Variants in STX18 observed in about 807,000 individuals in gnomAD.
The protein encoded by STX18 is syntaxin-18.
Under a neutral mutation model 50.1 loss-of-function variants are expected in STX18, and 40 were observed. The observed-to-expected ratio is 0.80, with a 90% CI of 0.62 to 1.04. The LOEUF is 1.04. STX18 is among the 50% of genes least tolerant of loss of function. The probability of loss-of-function intolerance (pLI) is 0.00; values close to 1 mark genes in which losing one functional copy is unlikely to be tolerated. For synonymous variants in STX18, 158 were observed against 151.8 expected, an observed-to-expected ratio of 1.04 and a Z score of -0.30; for missense variants, 410 against 415.8, an observed-to-expected ratio of 0.99 and a Z score of 0.12.
intron 1 of STX18, among the ~76,000 whole-genome samples, chr4:4,491,074 T>C (rs545561782): frequency 3.3e-5 from 5 of 151,856 alleles, no homozygotes; most frequent in South Asian, 2.1e-4. Flanking sequence ...ATTCGGCTTA[T>C]AGCACTTTCA....
At chr4:4,529,795 T>C (rs1248558267) in intron 1 of STX18, among the ~76,000 whole-genome samples, 2 of 152,180 alleles carry the variant, frequency 1.3e-5, no homozygotes, top group African/African-American at 2.4e-5. Flanking sequence ...ATAAAGCTTT[T>C]ACCACAGGGC....
intron 1 of STX18, among the ~76,000 whole-genome samples, chr4:4,515,570 T>TACC (rs1199063958): frequency 1.3e-5 from 2 of 152,152 alleles, no homozygotes; most frequent in East Asian, 3.8e-4. Context: ...TTATACTGGA[T>TACC]ACCAGTCTGA....
chr4:4,462,571 T>A lies in STX18; in HGVS notation c.237-3084A>T, dbSNP rs144087213. Among the ~76,000 whole-genome samples the A allele has an allele frequency of 6.8e-4, 104 of 152,106 alleles. 1 individual carries two copies. Among genetic ancestry groups the A allele is most frequent in the African/African-American group, 2.3e-3 (97 of 41,480 alleles). On this transcript the variant is annotated intron_variant, in intron 2 of 10. Transcript: ENST00000306200. ...GGAAAATGAGTAAAAGATAAAAGAC[T>A]GAGTTTCTAGCTGGGTATCATGTCA... is the stretch of plus-strand genomic sequence containing the variant.
In STX18 at chr4:4,449,833, T is replaced by C. The variant is rs578050396; in HGVS notation, c.497+7358A>G. ...ATTCATAATGTCCTATCTCATTGAA[T>C]GTGTTATAATGTGCTACTGCCATTT... is the stretch of plus-strand genomic sequence containing the variant. On this transcript the variant is annotated intron_variant, in intron 5 of 10. Coordinates refer to ENST00000306200, the MANE Select transcript of STX18 (RefSeq NM_016930.4). Among the ~76,000 whole-genome samples, 4 of 152,370 alleles carry C rather than the reference T, an allele frequency of 2.6e-5. No homozygotes were observed. In the East Asian group the frequency reaches 7.7e-4, roughly 29 times the overall value.
At chr4:4,483,920 G>A (rs1329337049) in intron 1 of STX18, among the ~76,000 whole-genome samples, 1 of 151,876 alleles carries the variant, frequency 6.6e-6, no homozygotes, top group Non-Finnish European at 1.5e-5. Flanking sequence ...GGAGTGCAGT[G>A]GCATGATCTC....
At chr4:4,428,498 A>G (rs1282113004) in intron 7 of STX18, among the ~76,000 whole-genome samples, 4 of 151,942 alleles carry the variant, frequency 2.6e-5, no homozygotes, top group African/African-American at 4.8e-5. Flanking sequence ...TGAGTTGTCT[A>G]CCAAAGTGCA....
chr4:4,480,001 A>T (rs1046942543), intron 1 of STX18, among the ~76,000 whole-genome samples: 1 of 152,240 alleles, frequency 6.6e-6, no homozygotes, highest in Non-Finnish European at 1.5e-5. Context: ...AGTGGGGAAA[A>T]ACTGAGACAA....
At chr4:4,468,180 A>AAATAAGT (rs1727715771) in intron 2 of STX18, among the ~76,000 whole-genome samples, 1 of 152,156 alleles carries the variant, frequency 6.6e-6, no homozygotes, top group Admixed American at 6.5e-5. Flanking sequence ...CTTACTGCAG[A>AAATAAGT]AACCCTTTTT....
chr4:4,445,236 A>C (rs1305262771), intron 5 of STX18, among the ~76,000 whole-genome samples: 1 of 152,052 alleles, frequency 6.6e-6, no homozygotes, highest in African/African-American at 2.4e-5. Flanking sequence ...GTGAAACCTT[A>C]TCTCTACTAA....
chr4:4,445,654 C>A (rs1011627370), intron 5 of STX18, among the ~76,000 whole-genome samples: 1 of 150,618 alleles, frequency 6.6e-6, no homozygotes, highest in South Asian at 2.1e-4. Flanking sequence ...CTGAAAATAA[C>A]AAAATATTGC....
At chr4:4,511,763 T>TGCGC (rs1560202497) in intron 1 of STX18, among the ~76,000 whole-genome samples, 1 of 136,064 alleles carries the variant, frequency 7.3e-6, no homozygotes, top group African/African-American at 3.2e-5. Flanking sequence ...TGTGTGTGTA[T>TGCGC]GCCCCTAGGT....
intron 5 of STX18, among the ~76,000 whole-genome samples, chr4:4,449,881 T>C (rs112969338): frequency 0.012 from 1,892 of 152,380 alleles, 18 homozygotes; most frequent in Non-Finnish European, 0.022. Context: ...AAGTTATCTC[T>C]AATTTGGCCA....
intron 1 of STX18, among the ~76,000 whole-genome samples, chr4:4,476,759 C>T (rs1253248468): frequency 6.6e-6 from 1 of 152,138 alleles, no homozygotes; most frequent in African/African-American, 2.4e-5. Flanking sequence ...GGATTTGCTT[C>T]ACAATAAGAC....
intron 6 of STX18, among the ~76,000 whole-genome samples, chr4:4,435,163 T>A (rs1725712524): frequency 6.6e-6 from 1 of 152,214 alleles, no homozygotes; most frequent in Admixed American, 6.5e-5. Flanking sequence ...ATTCAGAATG[T>A]CTTCAGAATT....
intron 1 of STX18, among the ~76,000 whole-genome samples, chr4:4,486,248 A>G (rs990443660): frequency 1.3e-5 from 2 of 152,204 alleles, no homozygotes; most frequent in African/African-American, 4.8e-5. Flanking sequence ...TTCCAAAATC[A>G]TTCTAAGGCT....
Position 4,457,243 on chromosome 4 carries a change from A to G in STX18, c.445T>C (p.Tyr149His). 2 of 1,614,106 alleles carry G rather than the reference A, an allele frequency of 1.2e-6. No individual in the cohort carries two copies. Among genetic ancestry groups the G allele is most frequent in the Non-Finnish European group, 1.7e-6 (2 of 1,179,966 alleles). The part of the protein sequence containing the change: ...EDYLKRVCKL[Y>H]SEQRAIRVKR... ...ACTCGGATGGCTCTCTGTTCTGAGT[A>G]AAGTTTACATACTCCTGTTGCAGAA... The change falls in exon 5 of 11, where the codon TAC (tyrosine) becomes CAC (histidine). Residue 149 changes from tyrosine (Y) to histidine (H), a missense_variant. Transcript: ENST00000306200.
intron 1 of STX18, among the ~76,000 whole-genome samples, chr4:4,483,089 A>G (rs1728538716): frequency 6.6e-6 from 1 of 152,196 alleles, no homozygotes; most frequent in Non-Finnish European, 1.5e-5. Context: ...AGTCTCAAGT[A>G]ACAGACAATG....
Position 4,467,780 on chromosome 4 carries a change from G to T in STX18, c.236+3859C>A, listed in dbSNP as rs1044353718. 5.9e-5 allele frequency among the ~76,000 whole-genome samples: 9 copies of T among 152,196 alleles called. No individual in the cohort carries two copies. The East Asian group carries it at 1.7e-3, about 29-fold the overall frequency. On this transcript the variant is annotated intron_variant, in intron 2 of 10. Coordinates refer to ENST00000306200, the MANE Select transcript of STX18 (RefSeq NM_016930.4). ...GGGAGGGTAGCTAGGGAGGTAGATA[G>T]AACTTTTTTTCTAAGCAAAGTAGAG...
chr4:4,542,151 C>T (rs543927267), upstream of STX18: 8 of 707,254 alleles, frequency 1.1e-5, no homozygotes, highest in East Asian at 1.0e-4. Flanking sequence ...CCGGCCTCAG[C>T]CGGCGCACCT....
Sources: gnomAD v4.1 joint callset for allele counts (sites outside exome capture counted in the v4.1 genomes callset) on GRCh38, gnomAD v4.1.1 for gene constraint, MANE v1.5 for transcripts, NCBI Gene and HGNC (gene_info 2026-07-23, HGNC 2026-07-21) for gene names.